Variants in MAP3K4 observed in about 807,000 individuals in gnomAD.
The protein encoded by MAP3K4 is mitogen-activated protein kinase kinase kinase 4.
In MAP3K4, 67 loss-of-function variants were observed where a neutral mutation model predicts 185.6. The observed-to-expected ratio is 0.36, with a 90% CI of 0.30 to 0.44. The LOEUF is 0.44. Ranked by LOEUF, MAP3K4 falls within the 20% of genes least tolerant of loss-of-function variation. The pLI, the probability that MAP3K4 is intolerant of heterozygous loss-of-function variation, is 1.00. For missense variants in MAP3K4, 1,551 were observed against 1,995.1 expected (o/e 0.78, Z 4.24); for synonymous variants, 702 against 710.4 (o/e 0.99, Z 0.19).
In MAP3K4 at chr6:161,115,106, A is replaced by T. The variant is rs373799604; in HGVS notation, c.4627-17A>T. 13 of 1,590,276 alleles carry T rather than the reference A, an allele frequency of 8.2e-6. No homozygotes were observed. Among genetic ancestry groups the T allele is most frequent in the East Asian group, 2.2e-5 (1 of 44,578 alleles). On this transcript the variant is annotated splice_polypyrimidine_tract_variant and intron_variant, in intron 25 of 26. Coordinates refer to ENST00000392142, the MANE Select transcript of MAP3K4 (RefSeq NM_005922.4). This position sits in a 1 kb window ranked among gnomAD's most constrained non-coding sequence, Gnocchi z 6.0. ...GTGTAATATTAAAATCTGATTTTTT[A>T]AAAACATCTTTTTTAGAGGCCTTGG... is the stretch of plus-strand genomic sequence containing the variant.
rs1422638327 is a variant in MAP3K4, at chr6:161,086,983, T to C, written c.2556+316T>C. On this transcript the variant is annotated intron_variant, in intron 9 of 26. Coordinates refer to ENST00000392142, the MANE Select transcript of MAP3K4 (RefSeq NM_005922.4). The surrounding 1 kb of genome is among the most constrained non-coding windows in gnomAD (Gnocchi z 4.8). ...ATTCATTTTAAATTATGGTTTTGTTTTTCACCCTTATATTTCCTGATGCAG... is the reference window on the plus strand; with the variant it reads ...ATTCATTTTAAATTATGGTTTTGTTCTTCACCCTTATATTTCCTGATGCAG... Among the ~76,000 whole-genome samples the C allele has an allele frequency of 2.0e-5, 3 of 152,234 alleles. No homozygotes were observed. The highest frequency in any genetic ancestry group is 4.4e-5 in the Non-Finnish European group (3 of 68,044).
chr6:161,018,177 T>A (rs1200809791), intron 1 of MAP3K4, among the ~76,000 whole-genome samples: 1 of 152,076 alleles, frequency 6.6e-6, no homozygotes, highest in East Asian at 1.9e-4. Context: ...GATTGGAGTT[T>A]GAGGAGGCTG....
At chr6:161,029,955 G>A (rs1055259242) in intron 1 of MAP3K4, among the ~76,000 whole-genome samples, 3 of 152,018 alleles carry the variant, frequency 2.0e-5, no homozygotes, top group Non-Finnish European at 4.4e-5. Context: ...AGTTTTCTCT[G>A]GCTGCTTTTA....
chr6:161,060,346 TGAC>T (rs1375727929), intron 3 of MAP3K4, among the ~76,000 whole-genome samples: 6 of 152,222 alleles, frequency 3.9e-5, no homozygotes, highest in African/African-American at 1.4e-4. Flanking sequence ...GGTTTATTGA[TGAC>T]TAATTAGTGT....
chr6:161,011,679 C>T (rs1781847837), intron 1 of MAP3K4, among the ~76,000 whole-genome samples: 1 of 152,152 alleles, frequency 6.6e-6, no homozygotes, highest in Non-Finnish European at 1.5e-5. Flanking sequence ...CTTTGAATAT[C>T]TGAGTCTTGT....
chr6:161,027,735 G>A (rs1047454480), intron 1 of MAP3K4, among the ~76,000 whole-genome samples: 4 of 152,120 alleles, frequency 2.6e-5, no homozygotes, highest in African/African-American at 9.7e-5. Flanking sequence ...TTGTATGTGT[G>A]GCAGTTACAT....
rs1783221431 is a variant in MAP3K4, at chr6:161,037,439, A to G, written c.343+2990A>G. 1.3e-5 allele frequency among the ~76,000 whole-genome samples: 2 copies of G among 152,030 alleles called. No individual in the cohort carries two copies. Among genetic ancestry groups the G allele is most frequent in the African/African-American group, 4.8e-5 (2 of 41,390 alleles). On this transcript the variant is annotated intron_variant, in intron 2 of 26. Transcript: ENST00000392142. The surrounding 1 kb of genome is among the most constrained non-coding windows in gnomAD (Gnocchi z 4.2). ...CAGGATTTCTTTTATTTTTTCTGAG[A>G]CGGAGTTTCACTCTTGTTGCCCAGG...
Position 161,074,646 on chromosome 6 carries a change from T to C in MAP3K4, c.2097+1034T>C, listed in dbSNP as rs1421572228. 6.6e-6 allele frequency among the ~76,000 whole-genome samples: 1 copy of C among 152,376 alleles called. No homozygotes were observed. On this transcript the variant is annotated intron_variant, in intron 5 of 26. Coordinates refer to ENST00000392142, the MANE Select transcript of MAP3K4 (RefSeq NM_005922.4). The surrounding 1 kb of genome is among the most constrained non-coding windows in gnomAD (Gnocchi z 5.0). ...TTTCCATAGTATCTGATAGTGTTCA[T>C]GTATCGTAAGTACACGTTAGATTCA... is the stretch of plus-strand genomic sequence containing the variant.
chr6:161,116,298 A>T lies in MAP3K4; in HGVS notation c.4807-552A>T, dbSNP rs986557733. Among the ~76,000 whole-genome samples the T allele has an allele frequency of 6.6e-6, 1 of 152,022 alleles. No homozygotes were observed. The highest frequency in any genetic ancestry group is 2.4e-5 in the African/African-American group (1 of 41,366). ...TTGGAGATTTCACATGGGCATTTGG[A>T]TACCTGGGGCTGGCACTCAAGAGGG... is the stretch of plus-strand genomic sequence containing the variant. On this transcript the variant is annotated intron_variant, in intron 26 of 26. Transcript: ENST00000392142. This position sits in a 1 kb window ranked among gnomAD's most constrained non-coding sequence, Gnocchi z 6.2.
chr6:161,083,232 C>T (rs916086197), intron 6 of MAP3K4, among the ~76,000 whole-genome samples: 6 of 152,188 alleles, frequency 3.9e-5, no homozygotes, highest in African/African-American at 1.4e-4. Flanking sequence ...TTCCTACCCA[C>T]AACTCCTTAG....
At chr6:161,016,363 G>A (rs900468504) in intron 1 of MAP3K4, among the ~76,000 whole-genome samples, 1 of 152,050 alleles carries the variant, frequency 6.6e-6, no homozygotes, top group Middle Eastern at 3.4e-3. Context: ...TGATGCAGTT[G>A]GTTTATCTGT....
At chr6:161,010,432 AGT>A (rs1781792364) in intron 1 of MAP3K4, among the ~76,000 whole-genome samples, 1 of 152,232 alleles carries the variant, frequency 6.6e-6, no homozygotes, top group South Asian at 2.1e-4. Context: ...GGCTAATAAA[AGT>A]GTTTATTTTT....
In MAP3K4 at chr6:161,051,048, A is replaced by G. The variant is rs186762369; in HGVS notation, c.1707+1069A>G. Among the ~76,000 whole-genome samples the G allele has an allele frequency of 8.1e-4, 123 of 152,324 alleles. No individual in the cohort carries two copies. Among genetic ancestry groups the G allele is most frequent in the African/African-American group, 2.7e-3 (114 of 41,570 alleles). On this transcript the variant is annotated intron_variant, in intron 3 of 26. Transcript: ENST00000392142. This position sits in a 1 kb window ranked among gnomAD's most constrained non-coding sequence, Gnocchi z 4.2. ...GAGATTATGTGTAATGCCTTATGTA[A>G]TATAAATGCTGTGTAAATGGTTGTT...
In MAP3K4 at chr6:161,049,759, G is replaced by A; in HGVS notation, c.1487G>A (p.Arg496Lys). The change falls in exon 3 of 27, where the codon AGG (arginine) becomes AAG (lysine). Residue 496 changes from arginine (R) to lysine (K), a missense_variant. Arg to Lys is a conservative substitution (Grantham distance 26). This residue lies in a region of MAP3K4 where 126 missense variants were observed against 112.8 expected (regional missense o/e 1.12). Transcript: ENST00000392142. This position sits in a 1 kb window ranked among gnomAD's most constrained non-coding sequence, Gnocchi z 8.4. Reference sequence around the variant, plus strand: ...GACTGCATATCCAAGAAGCTTGAGAGGCTCGAATCTGAGGATGATTCTCTT... The same window carrying A: ...GACTGCATATCCAAGAAGCTTGAGAAGCTCGAATCTGAGGATGATTCTCTT... ...SRDCISKKLE[R>K]LESEDDSLGW... 1.2e-6 allele frequency: 2 copies of A among 1,614,170 alleles called. No individual in the cohort carries two copies. Among genetic ancestry groups the A allele is most frequent in the Non-Finnish European group, 1.7e-6 (2 of 1,180,038 alleles).
Position 161,112,855 on chromosome 6 carries a change from T to C in MAP3K4, c.4626+81T>C. 2.5e-6 allele frequency: 2 copies of C among 810,892 alleles called. No individual in the cohort carries two copies. Among genetic ancestry groups the C allele is most frequent in the Non-Finnish European group, 3.6e-6 (2 of 559,688 alleles). 50.2% of individuals were successfully genotyped at this position (810,892 alleles called of 1,614,324 possible). On this transcript the variant is annotated intron_variant, in intron 25 of 26. Coordinates refer to ENST00000392142, the MANE Select transcript of MAP3K4 (RefSeq NM_005922.4). This position sits in a 1 kb window ranked among gnomAD's most constrained non-coding sequence, Gnocchi z 5.1. ...CAGAACAGTAGTTATGGATTGATTA[T>C]TTATTACAAACACTGTGGACACTAA...
intron 3 of MAP3K4, among the ~76,000 whole-genome samples, chr6:161,050,730 C>A (rs1783965081): frequency 1.3e-5 from 2 of 152,286 alleles, no homozygotes; most frequent in Non-Finnish European, 2.9e-5. Flanking sequence ...GGATATCATT[C>A]TTGAGAGTCC....
chr6:161,029,032 A>G (rs1275912479), intron 1 of MAP3K4, among the ~76,000 whole-genome samples: 1 of 152,232 alleles, frequency 6.6e-6, no homozygotes, highest in Admixed American at 6.5e-5. Context: ...TGTTTAAAGA[A>G]AAAGGAAACC....
chr6:161,046,530 A>G (rs1783737422), intron 2 of MAP3K4, among the ~76,000 whole-genome samples: 1 of 59,814 alleles, frequency 1.7e-5, no homozygotes, highest in African/African-American at 4.0e-5. Context: ...TTAAAAAATA[A>G]TAATAATAGT....
chr6:161,005,001 A>T (rs1343466578), intron 1 of MAP3K4, among the ~76,000 whole-genome samples: 1 of 152,216 alleles, frequency 6.6e-6, no homozygotes, highest in Non-Finnish European at 1.5e-5. Flanking sequence ...GGTCTTTTTA[A>T]AAACCTTATT....
Sources: gnomAD v4.1 joint callset for allele counts (sites outside exome capture counted in the v4.1 genomes callset) on GRCh38, gnomAD v4.1.1 for gene constraint, gnomAD v4.1.1 regional missense constraint, Gnocchi (gnomAD v3.1) non-coding constraint, MANE v1.5 for transcripts, NCBI Gene and HGNC (gene_info 2026-07-23, HGNC 2026-07-21) for gene names.